The following DEFB110 variants were observed in gnomAD, a reference collection of about 807,000 sequenced individuals.
DEFB110 encodes the protein beta-defensin 110.
A neutral mutation model predicts 2.5 loss-of-function variants in DEFB110; 4 were observed. The ratio of observed to expected loss-of-function variants is 1.60; its 90% CI spans 0.79 to 3.66. The LOEUF is 3.66. Among genes scored for constraint, DEFB110 ranks in the 30% most tolerant of loss-of-function variants. The pLI is 0.01. For missense variants in DEFB110, 94 were observed against 75.4 expected (o/e 1.25, Z -0.91); for synonymous variants, 29 against 21.8 (o/e 1.33, Z -0.92).
chr6:50,009,333 A>G (rs1488706205), intron 1 of DEFB110: 6 of 1,496,396 alleles, frequency 4.0e-6, no homozygotes, highest in Non-Finnish European at 5.3e-6. Context: ...TTTTCTTGCT[A>G]AAGAAAGACA....
chr6:50,016,482 T>A (rs1774318032), downstream of DEFB110, among the ~76,000 whole-genome samples: 1 of 151,844 alleles, frequency 6.6e-6, no homozygotes, highest in South Asian at 2.1e-4. Context: ...TTTTGTAAGT[T>A]CATACAATAA....
At chr6:50,012,688 C>A (rs1310336262) in intron 1 of DEFB110, among the ~76,000 whole-genome samples, 1 of 151,814 alleles carries the variant, frequency 6.6e-6, no homozygotes. Flanking sequence ...ATTAAAATAA[C>A]CTTTTCTTAA....
At position 50,020,974 on chromosome 6, in the gene DEFB110, C is replaced by A. The variant is rs201640254; in HGVS notation, c.55+907G>T. On this transcript the variant is annotated intron_variant, in intron 1 of 1. Coordinates refer to ENST00000371148, the MANE Select transcript of DEFB110 (RefSeq NM_001037497.2). Reference sequence around the variant, plus strand: ...TGTCCATGAATGCACCTTGGACTGACCCCACCCCTTCTCTTATTCATTCTT... The same window carrying A: ...TGTCCATGAATGCACCTTGGACTGAACCCACCCCTTCTCTTATTCATTCTT... Among the ~76,000 whole-genome samples, 10 of 152,158 alleles carry A rather than the reference C, an allele frequency of 6.6e-5. No individual in the cohort carries two copies. In the East Asian group the frequency reaches 1.7e-3, roughly 26 times the overall value.
downstream of DEFB110, among the ~76,000 whole-genome samples, chr6:50,016,696 G>A (rs181037208): frequency 1.7e-3 from 258 of 151,204 alleles, 3 homozygotes; most frequent in South Asian, 7.3e-3. Context: ...TTTTTTTCAC[G>A]CAGAAAACAC....
rs191228062 is a variant in DEFB110 at position 50,021,906 on chromosome 6, C to A, written c.30G>T (p.Leu10=). 2.6e-6 allele frequency: 4 copies of A among 1,553,004 alleles called. No homozygotes were observed. The highest frequency in any genetic ancestry group is 2.2e-5 in the Admixed American group (1 of 46,054). The change falls in exon 1 of 2, where the codon CTG becomes CTT. Residue 10 remains leucine (L), a synonymous_variant. Transcript: ENST00000371148. MKIQLFFFI[L]HFWVTILPAK... ...CTGGTAAAATTGTGACCCAAAAGTGCAGAATAAAGAAAAAAAGTTGAATCT... is the reference window on the plus strand; with the variant it reads ...CTGGTAAAATTGTGACCCAAAAGTGAAGAATAAAGAAAAAAAGTTGAATCT...
At chr6:50,020,434 T>C (rs557865837) in intron 1 of DEFB110, among the ~76,000 whole-genome samples, 2 of 152,016 alleles carry the variant, frequency 1.3e-5, no homozygotes, top group Non-Finnish European at 2.9e-5. Flanking sequence ...GTCATTTGTT[T>C]TGTAGCCTTT....
rs1179739380 is a variant in DEFB110 at position 50,010,553 on chromosome 6, A to G, written c.56-1282T>C. On this transcript the variant is annotated intron_variant, in intron 1 of 1. Coordinates refer to the DEFB110 transcript ENST00000393660. The stretch of plus-strand genomic sequence containing the variant: ...TATATATATATATAGACATACATAG[A>G]CATATATATAGACATATATATGACA... Among the ~76,000 whole-genome samples, 4 of 150,780 alleles carry G rather than the reference A, an allele frequency of 2.7e-5. No individual in the cohort carries two copies. In the East Asian group the frequency reaches 7.7e-4, roughly 29 times the overall value.
rs1774365087 is a variant in DEFB110, at chr6:50,018,913, C to T, written c.*64G>A. The T allele has an allele frequency of 1.9e-6, 3 of 1,538,646 alleles. No individual in the cohort carries two copies. Among genetic ancestry groups the T allele is most frequent in the Non-Finnish European group, 2.6e-6 (3 of 1,147,606 alleles). On this transcript the variant is annotated 3_prime_UTR_variant, in exon 2 of 2. Coordinates refer to ENST00000371148, the MANE Select transcript of DEFB110 (RefSeq NM_001037497.2). The stretch of plus-strand genomic sequence containing the variant: ...AGACACACACGCCTTGAAGGATGTG[C>T]TGGGAAAACTTAATAACGCTGGTCT...
chr6:50,018,495 T>C (rs1774355972), downstream of DEFB110, among the ~76,000 whole-genome samples: 1 of 151,958 alleles, frequency 6.6e-6, no homozygotes, highest in African/African-American at 2.4e-5. Flanking sequence ...TCTGTCTCTC[T>C]CACAATAAAG....
At chr6:50,014,715 A>T (rs1028213894), downstream of DEFB110, among the ~76,000 whole-genome samples, 1 of 151,678 alleles carries the variant, frequency 6.6e-6, no homozygotes, top group Non-Finnish European at 1.5e-5. Context: ...CTCTCAGCTA[A>T]TGATCTTGCT....
At chr6:50,017,250 T>C (rs1305495388), downstream of DEFB110, among the ~76,000 whole-genome samples, 1 of 151,880 alleles carries the variant, frequency 6.6e-6, no homozygotes. Context: ...CCATATGTAA[T>C]ATATAAAAAA....
At chr6:50,009,253 G>T (rs1002439941) in exon 2 of DEFB110, 3 of 1,596,934 alleles carry the variant, frequency 1.9e-6, no homozygotes, top group Non-Finnish European at 2.6e-6. Flanking sequence ...TCTATACTTT[G>T]GTTCAAAATT....
rs116226498 is a variant in DEFB110 at position 50,011,837 on chromosome 6, A to G, written c.56-2566T>C. ...TTTGGAAGATATTTGCTCTTGCTGG[A>G]TAGAAGTTGAAGTCAAGGCAGAAGC... On this transcript the variant is annotated intron_variant, in intron 1 of 1. Transcript: ENST00000393660. Among the ~76,000 whole-genome samples, 571 of 152,134 alleles carry G rather than the reference A, an allele frequency of 3.8e-3. 5 individuals are homozygous for G. Among genetic ancestry groups the G allele is most frequent in the African/African-American group, 0.013 (552 of 41,524 alleles).
intron 1 of DEFB110, among the ~76,000 whole-genome samples, chr6:50,010,554 C>CAT (rs1255392982): frequency 6.7e-6 from 1 of 149,958 alleles, no homozygotes; most frequent in Non-Finnish European, 1.5e-5. Flanking sequence ...CATACATAGA[C>CAT]ATATATATAG....
chr6:50,018,768 A>G, downstream of DEFB110: 1 of 1,227,856 alleles, frequency 8.1e-7, no homozygotes, highest in Non-Finnish European at 1.0e-6. Flanking sequence ...AAGTCCTGCT[A>G]CTTCTGGTAC....
intron 1 of DEFB110, among the ~76,000 whole-genome samples, chr6:50,011,415 AAG>A (rs1365488600): frequency 3.9e-5 from 6 of 152,018 alleles, no homozygotes; most frequent in Non-Finnish European, 8.8e-5. Flanking sequence ...TTTTCATAAA[AAG>A]AGACATTCAA....
At chr6:50,015,064 G>T (rs1774294293), downstream of DEFB110, among the ~76,000 whole-genome samples, 2 of 151,652 alleles carry the variant, frequency 1.3e-5, no homozygotes, top group South Asian at 4.1e-4. Context: ...TCCCATTTTA[G>T]TCAATGGCAC....
chr6:50,010,861 T>A (rs1338368208), intron 1 of DEFB110, among the ~76,000 whole-genome samples: 3 of 151,688 alleles, frequency 2.0e-5, no homozygotes, highest in Non-Finnish European at 4.4e-5. Context: ...CACCAAAGTC[T>A]ATGGTGGTTT....
At chr6:50,012,892 A>T (rs1030770278) in intron 1 of DEFB110, among the ~76,000 whole-genome samples, 6 of 151,618 alleles carry the variant, frequency 4.0e-5, no homozygotes, top group Non-Finnish European at 5.9e-5. Context: ...CATAGATGAG[A>T]AAAAAAATGC....
Sources: gnomAD v4.1 joint callset for allele counts (sites outside exome capture counted in the v4.1 genomes callset) on GRCh38, gnomAD v4.1.1 for gene constraint, MANE v1.5 for transcripts, NCBI Gene and HGNC (gene_info 2026-07-23, HGNC 2026-07-21) for gene names.